ADGRB3: variants seen among roughly 807,000 people sequenced by gnomAD.
The protein encoded by ADGRB3 is adhesion G protein-coupled receptor B3, also known as brain-specific angiogenesis inhibitor 3.
Under a neutral mutation model 193.4 loss-of-function variants are expected in ADGRB3, and 37 were observed. The observed-to-expected ratio is 0.19, with a 90% CI of 0.15 to 0.25. The LOEUF is 0.25. Among genes scored for constraint, ADGRB3 ranks in the 10% least tolerant of loss-of-function variants. The pLI, the probability that ADGRB3 is intolerant of heterozygous loss-of-function variation, is 1.00. For missense variants in ADGRB3, 1,637 were observed against 1,852.9 expected, an observed-to-expected ratio of 0.88 and a Z score of 2.14; for synonymous variants, 690 against 644.2, an observed-to-expected ratio of 1.07 and a Z score of -1.08.
At chr6:69,306,184 T>C (rs573754226) in intron 20 of ADGRB3, among the ~76,000 whole-genome samples, 3 of 151,556 alleles carry the variant, frequency 2.0e-5, no homozygotes, top group Non-Finnish European at 4.4e-5. Context: ...AGTAAGTTAC[T>C]ACAAATTTTC....
intron 22 of ADGRB3, 68 bp downstream of exon 22, chr6:69,327,957 C>G: frequency 7.3e-7 from 1 of 1,367,190 alleles, no homozygotes; most frequent in Non-Finnish European, 1.0e-6. Context: ...TTGGTTGGCA[C>G]TGCTGATGGC....
intron 3 of ADGRB3, among the ~76,000 whole-genome samples, chr6:68,901,452 A>G (rs1766391907): frequency 6.6e-6 from 1 of 152,032 alleles, no homozygotes; most frequent in Admixed American, 6.6e-5. Flanking sequence ...CCTCTGCAAT[A>G]CTCTTTTTGG....
In ADGRB3 at chr6:69,179,339, C is replaced by T. The variant is rs373928077; in HGVS notation, c.2481-53951C>T. On this transcript the variant is annotated intron_variant, in intron 17 of 31. Transcript: ENST00000370598. ...AGTGAGTTTTTGTATTCTAAAAGCT[C>T]TGACTGATTTCTTTTTAAGGTGTGT... 1.2e-3 allele frequency among the ~76,000 whole-genome samples: 186 copies of T among 152,256 alleles called. 2 individuals carry two copies. In the South Asian group the frequency reaches 0.031, roughly 25 times the overall value.
chr6:69,257,993 C>G (rs778982184), intron 20 of ADGRB3, among the ~76,000 whole-genome samples: 3 of 152,116 alleles, frequency 2.0e-5, no homozygotes, highest in Non-Finnish European at 2.9e-5. Flanking sequence ...CTTTCCCAGT[C>G]TCATGTCCAG....
chr6:68,806,671 A>G (rs1390978720), intron 3 of ADGRB3, among the ~76,000 whole-genome samples: 1 of 151,604 alleles, frequency 6.6e-6, no homozygotes, highest in Non-Finnish European at 1.5e-5. Context: ...TTTTAATGTG[A>G]CCGTATAACA....
intron 16 of ADGRB3, among the ~76,000 whole-genome samples, chr6:69,073,014 A>G (rs1772121276): frequency 6.6e-6 from 1 of 152,290 alleles, no homozygotes; most frequent in South Asian, 2.1e-4. Flanking sequence ...CATTTCTTCT[A>G]TGAAACTTGT....
chr6:69,051,438 T>C (rs1363065864), intron 15 of ADGRB3, among the ~76,000 whole-genome samples: 1 of 152,264 alleles, frequency 6.6e-6, no homozygotes, highest in African/African-American at 2.4e-5. Context: ...TTTGTTTACC[T>C]GTACATTCTT....
At chr6:69,058,885 T>G (rs1771628063) in intron 15 of ADGRB3, among the ~76,000 whole-genome samples, 1 of 152,064 alleles carries the variant, frequency 6.6e-6, no homozygotes, top group South Asian at 2.1e-4. Flanking sequence ...CCTGGAAAAT[T>G]TTCTGTCTGC....
At chr6:69,031,121 TTCTCTCTG>T in intron 13 of ADGRB3, among the ~76,000 whole-genome samples, 1 of 133,924 alleles carries the variant, frequency 7.5e-6, no homozygotes, top group African/African-American at 2.8e-5. Context: ...CTTCTCTCTC[TTCTCTCTG>T]TCTCTCTCTC....
intron 17 of ADGRB3, among the ~76,000 whole-genome samples, chr6:69,168,566 C>A (rs1775189457): frequency 6.6e-6 from 1 of 151,972 alleles, no homozygotes; most frequent in South Asian, 2.1e-4. Flanking sequence ...AGCATTTATC[C>A]CCACCAGTCC....
chr6:69,026,008 A>G (rs1362149264), intron 13 of ADGRB3, among the ~76,000 whole-genome samples: 1 of 152,192 alleles, frequency 6.6e-6, no homozygotes, highest in Non-Finnish European at 1.5e-5. Context: ...TGCTAGTATA[A>G]TAGATTGGTA....
chr6:69,002,341 T>C (rs1769605505), intron 11 of ADGRB3, among the ~76,000 whole-genome samples: 3 of 151,738 alleles, frequency 2.0e-5, no homozygotes, highest in South Asian at 4.2e-4. Context: ...GCCTCAGCCT[T>C]TTGAATAGCT....
intron 17 of ADGRB3, among the ~76,000 whole-genome samples, chr6:69,175,949 T>C (rs573618808): frequency 6.6e-6 from 1 of 152,328 alleles, no homozygotes; most frequent in Admixed American, 6.5e-5. Context: ...ATACAAGTTA[T>C]TGGTGTATAG....
At chr6:68,867,652 G>A (rs1582267941) in intron 3 of ADGRB3, among the ~76,000 whole-genome samples, 3 of 152,220 alleles carry the variant, frequency 2.0e-5, no homozygotes, top group Admixed American at 2.0e-4. Flanking sequence ...CACAGCCCAT[G>A]AAAGCAGCCG....
chr6:69,057,973 C>A (rs1030466333), intron 15 of ADGRB3, among the ~76,000 whole-genome samples: 4 of 151,690 alleles, frequency 2.6e-5, no homozygotes, highest in South Asian at 2.1e-4. Context: ...TAAAAGTGCT[C>A]TCTGCTTTAA....
At chr6:69,060,135 T>TA (rs1252026082) in intron 15 of ADGRB3, among the ~76,000 whole-genome samples, 2 of 151,998 alleles carry the variant, frequency 1.3e-5, no homozygotes, top group Non-Finnish European at 1.5e-5. Context: ...AATTGACACA[T>TA]ATCTCTTCTC....
chr6:69,322,099 C>T (rs1187992184), intron 20 of ADGRB3, among the ~76,000 whole-genome samples: 1 of 151,954 alleles, frequency 6.6e-6, no homozygotes, highest in Non-Finnish European at 1.5e-5. Flanking sequence ...TAAGTGAAAA[C>T]ATGCAATATT....
At chr6:69,279,117 A>G (rs1247469555) in intron 20 of ADGRB3, among the ~76,000 whole-genome samples, 1 of 109,446 alleles carries the variant, frequency 9.1e-6, no homozygotes, top group African/African-American at 3.5e-5. Flanking sequence ...ATATATATAT[A>G]TATGCTCCTC....
chr6:68,985,539 G>T (rs912363097), intron 10 of ADGRB3, among the ~76,000 whole-genome samples: 1 of 152,166 alleles, frequency 6.6e-6, no homozygotes, highest in Non-Finnish European at 1.5e-5. Context: ...AGGTACCTAT[G>T]TGACTAGTTC....
Sources: allele counts gnomAD v4.1 joint callset (sites outside exome capture counted in the v4.1 genomes callset), GRCh38; gene constraint gnomAD v4.1.1; transcripts MANE v1.5; gene names NCBI Gene and HGNC (gene_info 2026-07-23, HGNC 2026-07-21).